The following SLC52A1 variants were observed in gnomAD, a reference collection of about 807,000 sequenced individuals.
SLC52A1 encodes the protein solute carrier family 52 member 1, also known as solute carrier family 52, riboflavin transporter, member 1.
SLC52A1 carries 20 observed loss-of-function variants against 23.2 expected under a neutral mutation model. The observed-to-expected ratio is 0.86, with a 90% CI of 0.61 to 1.25. The LOEUF (loss-of-function observed/expected upper bound fraction) is 1.25, where lower values mean the gene tolerates loss of function less well. Ranked by LOEUF, SLC52A1 falls within the 50% of genes most tolerant of loss-of-function variation. SLC52A1 has a pLI of 0.00. For missense variants in SLC52A1, 528 were observed against 557.0 expected (o/e 0.95, Z 0.52); for synonymous variants, 260 against 256.6 (o/e 1.01, Z -0.13).
In SLC52A1 at chr17:5,034,523, G is replaced by A. The variant is rs377033431; in HGVS notation, c.84C>T (p.Asn28=). ...LFGMGSWAAV[N]GIWVELPVVV... is the part of the protein sequence containing the mutation. ...CCACAGGCAGCTCCACCCAGATCCC[G>A]TTCACAGCAGCCCAGGAGCCCATGC... Residue 28 remains asparagine, a synonymous_variant, in exon 2 of 5, where the codon AAC becomes AAT. Coordinates refer to ENST00000254853, the MANE Select transcript of SLC52A1 (RefSeq NM_017986.4). 45 of 1,614,050 alleles carry A rather than the reference G, an allele frequency of 2.8e-5. 1 individual carries two copies. The highest frequency in any genetic ancestry group is 6.7e-5 in the East Asian group (3 of 44,894).
At chr17:5,034,746 G>A (rs987141299) in intron 1 of SLC52A1, 33 bp from the exon 2 acceptor site, 9 of 1,192,258 alleles carry the variant, frequency 7.5e-6, no homozygotes, top group Non-Finnish European at 1.0e-5. Flanking sequence ...GCAGGTAATA[G>A]GCTGGTGGGA....
chr17:5,036,593 G>A (rs1317742121), upstream of SLC52A1, among the ~76,000 whole-genome samples: 2 of 150,074 alleles, frequency 1.3e-5, no homozygotes, highest in South Asian at 4.2e-4. Flanking sequence ...TGTATTTTTC[G>A]TAGAGATGGG....
Position 5,033,697 on chromosome 17 carries a change from G to C in SLC52A1, c.792C>G (p.Ile264Met). The part of the protein sequence containing the change: ...QEPPSQAAGT[I>M]PGPDPEAHQL... ...GATGGGCCTCAGGGTCTGGGCCAGG[G>C]ATGGTGCCTGCTGCCTGGCTCGGTG... is the stretch of plus-strand genomic sequence containing the variant. The change falls in exon 3 of 5, where the codon ATC becomes ATG. Residue 264 changes from isoleucine (I) to methionine (M), a missense_variant. Transcript: ENST00000254853. The C allele has an allele frequency of 6.2e-7, 1 of 1,614,070 alleles. No homozygotes were observed.
rs747109746 is a variant in SLC52A1 at position 5,033,612 on chromosome 17, T to C, written c.877A>G (p.Thr293Ala). 3 of 1,613,984 alleles carry C rather than the reference T, an allele frequency of 1.9e-6. No individual in the cohort carries two copies. In the Admixed American group the frequency reaches 5.0e-5, roughly 27 times the overall value. ...LGLMAFTSAV[T>A]NGVLPSVQSF... is the part of the protein sequence containing the mutation. ...TGCACAGAAGGCAGCACGCCATTGG[T>C]CACGGCACTGGTGAAGGCCATCAGG... Residue 293 changes from threonine (T) to alanine (A), a missense_variant, in exon 3 of 5, where the codon ACC (threonine) becomes GCC (alanine). Coordinates refer to ENST00000254853, the MANE Select transcript of SLC52A1 (RefSeq NM_017986.4).
upstream of SLC52A1, among the ~76,000 whole-genome samples, chr17:5,035,629 C>T (rs410520): frequency 0.51 from 77,272 of 152,118 alleles, 20,198 homozygotes; most frequent in Non-Finnish European, 0.55. Context: ...GAGGGAGCCC[C>T]CTCCGCCGGG....
Position 5,033,990 on chromosome 17 carries a change from C to T in SLC52A1, c.499G>A (p.Val167Met), listed in dbSNP as rs748747430. 24 of 1,613,918 alleles carry T rather than the reference C, an allele frequency of 1.5e-5. No homozygotes were observed. The Admixed American group carries it at 2.3e-4, about 16-fold the overall frequency. Residue 167 changes from valine to methionine, a missense_variant, in exon 3 of 5, where the codon GTG (valine) becomes ATG (methionine). Physicochemically the swap from Val to Met is conservative, Grantham distance 21 (BLOSUM62 1). Coordinates refer to ENST00000254853, the MANE Select transcript of SLC52A1 (RefSeq NM_017986.4). Reference sequence around the variant, plus strand: ...GCTGGTGGGCACTCGAGGCGGCCCACACCTTGCACTAGGGCCAGCACACAG... The same window carrying T: ...GCTGGTGGGCACTCGAGGCGGCCCATACCTTGCACTAGGGCCAGCACACAG... Reference protein sequence around the residue: ...LPCVLALVQGVGRLECPPAPT... With the variant: ...LPCVLALVQGMGRLECPPAPT...
Position 5,033,597 on chromosome 17 carries a change from G to T in SLC52A1, c.892C>A (p.Pro298Thr). The change falls in exon 3 of 5, where the codon CCT becomes ACT. Residue 298 changes from proline (P) to threonine (T), a missense_variant. Transcript: ENST00000254853. ...FTSAVTNGVL[P>T]SVQSFSCLPY... ...AAACAGGAAAAGCTCTGCACAGAAGGCAGCACGCCATTGGTCACGGCACTG... is the reference window on the plus strand; with the variant it reads ...AAACAGGAAAAGCTCTGCACAGAAGTCAGCACGCCATTGGTCACGGCACTG... 6.2e-7 allele frequency: 1 copy of T among 1,613,986 alleles called. No individual in the cohort carries two copies. The highest frequency in any genetic ancestry group is 1.1e-5 in the South Asian group (1 of 91,088).
At position 5,033,601 on chromosome 17, in the gene SLC52A1, C is replaced by G; in HGVS notation, c.888G>C (p.Val296=). 1 of 1,613,998 alleles carries G rather than the reference C, an allele frequency of 6.2e-7. No homozygotes were observed. Among genetic ancestry groups the G allele is most frequent in the Non-Finnish European group, 8.5e-7 (1 of 1,180,010 alleles). Reference sequence around the variant, plus strand: ...AGGAAAAGCTCTGCACAGAAGGCAGCACGCCATTGGTCACGGCACTGGTGA... The same window carrying G: ...AGGAAAAGCTCTGCACAGAAGGCAGGACGCCATTGGTCACGGCACTGGTGA... The part of the protein sequence containing the change: ...MAFTSAVTNG[V]LPSVQSFSCL... Residue 296 remains valine, a synonymous_variant, in exon 3 of 5, where the codon GTG becomes GTC. Coordinates refer to ENST00000254853, the MANE Select transcript of SLC52A1 (RefSeq NM_017986.4).
chr17:5,038,711 T>C (rs1045322256), upstream of SLC52A1, among the ~76,000 whole-genome samples: 5 of 151,874 alleles, frequency 3.3e-5, no homozygotes, highest in Admixed American at 2.0e-4. Context: ...CTCAGCCTCC[T>C]GAGTAGCTGG....
chr17:5,040,791 G>C (rs1237927644), intron 1 of SLC52A1, among the ~76,000 whole-genome samples: 1 of 150,646 alleles, frequency 6.6e-6, no homozygotes, highest in Non-Finnish European at 1.5e-5. Flanking sequence ...CTATAGCACC[G>C]AATAGCACTT....
At chr17:5,033,410 G>A (rs773582895) in intron 3 of SLC52A1, 26 bp from the exon 4 acceptor site, 2 of 1,613,710 alleles carry the variant, frequency 1.2e-6, no homozygotes, top group Non-Finnish European at 1.7e-6. Context: ...AGAGACTCAG[G>A]GCTGGCTGTT....
chr17:5,039,216 G>C (rs913705373), upstream of SLC52A1, among the ~76,000 whole-genome samples: 1 of 151,662 alleles, frequency 6.6e-6, no homozygotes, highest in African/African-American at 2.4e-5. Context: ...CCAGCTTCTT[G>C]GGAGGCTGAG....
upstream of SLC52A1, among the ~76,000 whole-genome samples, chr17:5,035,640 G>T (rs937999748): frequency 1.3e-5 from 2 of 152,220 alleles, no homozygotes; most frequent in African/African-American, 2.4e-5. Context: ...CTCCGCCGGG[G>T]AGGCGGCCCA....
rs138410039 is a variant in SLC52A1, at chr17:5,034,322, G to A, written c.167C>T (p.Ala56Val). 2.8e-4 allele frequency: 452 copies of A among 1,589,290 alleles called. 3 individuals are homozygous for A. In the African/African-American group the frequency reaches 3.7e-3, roughly 13 times the overall value. ...CACCAGCAGACCCAGGTTTCCCAGC[G>A]CCACAACCACAGAGAGGTATGAGGG... ...SLPSYLSVVV[A>V]LGNLGLLVVT... The change falls in exon 3 of 5, where the codon GCG becomes GTG. Residue 56 changes from alanine (A) to valine (V), a missense_variant. Transcript: ENST00000254853.
upstream of SLC52A1, among the ~76,000 whole-genome samples, chr17:5,038,112 G>T (rs1219683150): frequency 2.0e-5 from 3 of 151,740 alleles, no homozygotes; most frequent in East Asian, 5.8e-4. Context: ...TAGAGACGGG[G>T]TTTCACCATG....
At chr17:5,036,539 G>A (rs1975464238), upstream of SLC52A1, among the ~76,000 whole-genome samples, 1 of 149,688 alleles carries the variant, frequency 6.7e-6, no homozygotes, top group African/African-American at 2.5e-5. Flanking sequence ...AGACTCCCGA[G>A]TAGCTGGGAT....
upstream of SLC52A1, among the ~76,000 whole-genome samples, chr17:5,037,914 CT>C (rs10673155): frequency 2.1e-3 from 85 of 40,008 alleles, 7 homozygotes; most frequent in South Asian, 6.7e-3. Flanking sequence ...TTCTTCCTTC[CT>C]TTTTTTTTTT....
At chr17:5,034,450 G>A (rs773928191) in intron 2 of SLC52A1, 27 bp downstream of exon 2, 8 of 1,613,656 alleles carry the variant, frequency 5.0e-6, no homozygotes, top group Non-Finnish European at 6.8e-6. Context: ...CCTGCCCCAC[G>A]CTTCCCTGTA....
chr17:5,032,834 G>A lies in SLC52A1; in HGVS notation c.*123C>T. ...CACATGCCAACGTCTTCTGTGGAGT[G>A]TGCAGGTGTCCATGAGCGTTCCTGT... On this transcript the variant is annotated 3_prime_UTR_variant, in exon 5 of 5. Coordinates refer to ENST00000254853, the MANE Select transcript of SLC52A1 (RefSeq NM_017986.4). 2 of 859,570 alleles carry A rather than the reference G, an allele frequency of 2.3e-6. No individual in the cohort carries two copies. The highest frequency in any genetic ancestry group is 3.6e-6 in the Non-Finnish European group (2 of 551,198). 53.2% of individuals were successfully genotyped at this position (859,570 alleles called of 1,614,324 possible).
Sources: gnomAD v4.1 joint callset for allele counts (sites outside exome capture counted in the v4.1 genomes callset) on GRCh38, gnomAD v4.1.1 for gene constraint, MANE v1.5 for transcripts, NCBI Gene and HGNC (gene_info 2026-07-23, HGNC 2026-07-21) for gene names.